The following HIVEP3 variants were observed in gnomAD, a reference collection of about 807,000 sequenced individuals.
The protein encoded by HIVEP3 is HIVEP zinc finger 3, also known as transcription factor HIVEP3.
In HIVEP3, 49 loss-of-function variants were observed where a neutral mutation model predicts 152.8. The observed-to-expected ratio is 0.32, with a 90% CI of 0.26 to 0.41. HIVEP3 has a LOEUF of 0.41. Ranked by LOEUF, HIVEP3 falls within the 10% of genes least tolerant of loss-of-function variation. The pLI, the probability that HIVEP3 is intolerant of heterozygous loss-of-function variation, is 1.00. For missense variants in HIVEP3, 2,790 were observed against 3,103.3 expected (o/e 0.90, Z 2.40); for synonymous variants, 1,269 against 1,289.0 (o/e 0.98, Z 0.33).
At chr1:41,940,311 C>T (rs374502813) in intron 1 of HIVEP3, among the ~76,000 whole-genome samples, 6 of 152,170 alleles carry the variant, frequency 3.9e-5, no homozygotes, top group African/African-American at 1.4e-4. Flanking sequence ...AGATTGCTAA[C>T]ATTCAATTAG....
At chr1:41,833,206 G>A (rs1643013659) in intron 1 of HIVEP3, among the ~76,000 whole-genome samples, 1 of 152,230 alleles carries the variant, frequency 6.6e-6, no homozygotes, top group South Asian at 2.1e-4. Flanking sequence ...GCAAATGCCT[G>A]GAACAGTGGC....
intron 1 of HIVEP3, among the ~76,000 whole-genome samples, chr1:41,955,781 G>C (rs1645137306): frequency 1.3e-5 from 2 of 152,232 alleles, no homozygotes; most frequent in Admixed American, 6.5e-5. Context: ...CCATTGAGCA[G>C]AGGCATAATT....
At chr1:41,628,992 C>G in intron 2 of HIVEP3, 45 bp from the exon 3 acceptor site, 1 of 1,217,138 alleles carries the variant, frequency 8.2e-7, no homozygotes, top group East Asian at 3.2e-5. Flanking sequence ...CTTTCTTGGT[C>G]AACTTTTTTA....
chr1:41,572,643 G>T (rs1428694325), intron 5 of HIVEP3, among the ~76,000 whole-genome samples: 1 of 152,164 alleles, frequency 6.6e-6, no homozygotes, highest in African/African-American at 2.4e-5. Context: ...GCACCCAAAA[G>T]GCACTGATTA....
In HIVEP3 at chr1:41,771,302, T is replaced by A. The variant is rs993316734; in HGVS notation, c.-800-70307A>T. ...CCCACCTCCCCCCACCCCCAAAAAA[T>A]TAATTTACTAAAAAATAATCCTCTG... On this transcript the variant is annotated intron_variant, in intron 1 of 8. Coordinates refer to ENST00000372583, the MANE Select transcript of HIVEP3 (RefSeq NM_024503.5). Among the ~76,000 whole-genome samples the A allele has an allele frequency of 4.6e-5, 7 of 150,578 alleles. No homozygotes were observed. In the South Asian group the frequency reaches 6.4e-4, roughly 14 times the overall value.
At chr1:41,719,369 T>A (rs1451575810) in intron 1 of HIVEP3, among the ~76,000 whole-genome samples, 1 of 152,262 alleles carries the variant, frequency 6.6e-6, no homozygotes, top group East Asian at 1.9e-4. Flanking sequence ...GAACTTGTTT[T>A]GCCTTTAGTT....
At chr1:41,766,956 TC>T (rs1177303127) in intron 1 of HIVEP3, among the ~76,000 whole-genome samples, 1 of 152,158 alleles carries the variant, frequency 6.6e-6, no homozygotes, top group Non-Finnish European at 1.5e-5. Context: ...CCCAAAATTG[TC>T]CTACCCAATG....
In HIVEP3 at chr1:41,556,769, C is replaced by T. The variant is rs545226639; in HGVS notation, c.5207+18775G>A. On this transcript the variant is annotated intron_variant, in intron 5 of 8. Coordinates refer to ENST00000372583, the MANE Select transcript of HIVEP3 (RefSeq NM_024503.5). The stretch of plus-strand genomic sequence containing the variant: ...CCTAAGAGTTTTATTATAGTTTTAG[C>T]TCTCACCTTTAGGTCTTTGATCCAT... 4.6e-5 allele frequency among the ~76,000 whole-genome samples: 7 copies of T among 152,320 alleles called. No individual in the cohort carries two copies. In the South Asian group the frequency reaches 1.4e-3, roughly 32 times the overall value.
intron 2 of HIVEP3, among the ~76,000 whole-genome samples, chr1:41,646,743 T>A (rs1204786973): frequency 5.3e-5 from 8 of 152,196 alleles, no homozygotes; most frequent in Admixed American, 5.2e-4. Context: ...ACTGCATACT[T>A]TAGTTTTGTA....
intron 1 of HIVEP3, among the ~76,000 whole-genome samples, chr1:41,785,871 C>T (rs1649318456): frequency 1.3e-5 from 2 of 152,192 alleles, no homozygotes; most frequent in Admixed American, 6.5e-5. Flanking sequence ...TGGCAGGTGC[C>T]TGTAATCCCA....
At position 41,751,324 on chromosome 1, in the gene HIVEP3, A is replaced by ATTTTTTTTT. The variant is rs35864189; in HGVS notation, c.-800-50338_-800-50330dup. Among the ~76,000 whole-genome samples, 586 of 104,502 alleles carry ATTTTTTTTT rather than the reference A, an allele frequency of 5.6e-3. 50 individuals are homozygous for ATTTTTTTTT. The highest frequency in any genetic ancestry group is 0.02 in the African/African-American group (540 of 26,348). The allele number at this position is 104,502 out of a possible 152,430, so 68.6% of individuals were successfully genotyped here. A position where few individuals can be genotyped will look rare whatever the true frequency, so the allele number is the denominator to read the frequency against. The stretch of plus-strand genomic sequence containing the variant: ...TTCATCCCGAGGGAAACTGACACAC[A>ATTTTTTTTT]TTTTTTTTTTTTTTTTTTTTGCATA... On this transcript the variant is annotated intron_variant, in intron 1 of 8. Transcript: ENST00000372583.
At chr1:41,724,232 G>A (rs1324657610) in intron 1 of HIVEP3, among the ~76,000 whole-genome samples, 5 of 152,154 alleles carry the variant, frequency 3.3e-5, no homozygotes, top group African/African-American at 1.2e-4. Context: ...TTAAAAGTGT[G>A]CTTATTCTAC....
chr1:41,544,801 C>CCACCACTACCACCACCAT, intron 5 of HIVEP3, among the ~76,000 whole-genome samples: 1 of 141,730 alleles, frequency 7.1e-6, no homozygotes, highest in Non-Finnish European at 1.6e-5. Context: ...GCTACCATCA[C>CCACCACTACCACCACCAT]CACCACCACT....
At chr1:42,017,650 A>G (rs892051947) in intron 1 of HIVEP3, among the ~76,000 whole-genome samples, 1 of 152,078 alleles carries the variant, frequency 6.6e-6, no homozygotes, top group Non-Finnish European at 1.5e-5. Flanking sequence ...TGATTTATTT[A>G]TCTATTCTAC....
chr1:41,641,727 G>A (rs533547993), intron 2 of HIVEP3, among the ~76,000 whole-genome samples: 1 of 152,372 alleles, frequency 6.6e-6, no homozygotes, highest in African/African-American at 2.4e-5. Context: ...ACAGGAGCCA[G>A]TTGCTACGGC....
At chr1:41,883,292 T>C (rs1462739661) in intron 1 of HIVEP3, among the ~76,000 whole-genome samples, 1 of 152,016 alleles carries the variant, frequency 6.6e-6, no homozygotes, top group Non-Finnish European at 1.5e-5. Context: ...CCAGGAAAAG[T>C]GTGCCTTGCA....
intron 1 of HIVEP3, among the ~76,000 whole-genome samples, chr1:41,864,380 T>C (rs550658809): frequency 5.3e-5 from 8 of 152,170 alleles, no homozygotes; most frequent in Non-Finnish European, 8.8e-5. Flanking sequence ...AGAAAACTAG[T>C]GTGACTTCTC....
At chr1:41,527,308 CT>C (rs1643009775) in intron 5 of HIVEP3, among the ~76,000 whole-genome samples, 1 of 107,874 alleles carries the variant, frequency 9.3e-6, no homozygotes. Context: ...CACCCTCACA[CT>C]TCACACCCCT....
intron 5 of HIVEP3, among the ~76,000 whole-genome samples, chr1:41,559,133 C>A: frequency 6.6e-6 from 1 of 152,222 alleles, no homozygotes; most frequent in South Asian, 2.1e-4. Context: ...GGCCCCGCTG[C>A]CTCCTTTGGT....
Sources: allele counts gnomAD v4.1 joint callset (sites outside exome capture counted in the v4.1 genomes callset), GRCh38; gene constraint gnomAD v4.1.1; transcripts MANE v1.5; gene names NCBI Gene and HGNC (gene_info 2026-07-23, HGNC 2026-07-21).